The following PACSIN2 variants were observed in gnomAD, a reference collection of about 807,000 sequenced individuals.
The protein encoded by PACSIN2 is protein kinase C and casein kinase substrate in neurons 2.
A neutral mutation model predicts 63.8 loss-of-function variants in PACSIN2; 25 were observed. That is an observed-to-expected ratio of 0.39 (90% CI 0.29 to 0.55). PACSIN2 has a LOEUF of 0.55. Among genes scored for constraint, PACSIN2 ranks in the 20% least tolerant of loss-of-function variants. The pLI is 0.62. For missense variants in PACSIN2, 518 were observed against 646.9 expected (o/e 0.80, Z 2.16); for synonymous variants, 255 against 256.2 (o/e 1.00, Z 0.05).
chr22:42,885,609 C>T (rs2146655605), intron 5 of PACSIN2, among the ~76,000 whole-genome samples: 1 of 152,216 alleles, frequency 6.6e-6, no homozygotes, highest in East Asian at 1.9e-4. Context: ...GCTCCCCTCC[C>T]AGATGCTCTC....
intron 1 of PACSIN2, among the ~76,000 whole-genome samples, chr22:42,946,611 A>G (rs570541732): frequency 6.6e-6 from 1 of 152,358 alleles, no homozygotes; most frequent in African/African-American, 2.4e-5. Flanking sequence ...AAGAAGCCCC[A>G]GTTACACAAC....
At chr22:42,954,229 C>T (rs776748163) in intron 1 of PACSIN2, among the ~76,000 whole-genome samples, 2 of 152,216 alleles carry the variant, frequency 1.3e-5, no homozygotes, top group Non-Finnish European at 2.9e-5. Flanking sequence ...TGCCACTGCA[C>T]TCCAGCCTAG....
intron 1 of PACSIN2, among the ~76,000 whole-genome samples, chr22:42,931,962 T>C (rs555635687): frequency 1.3e-5 from 2 of 152,148 alleles, no homozygotes; most frequent in African/African-American, 2.4e-5. Context: ...AGAAAACCTA[T>C]CCTCACTTCC....
Position 42,966,098 on chromosome 22 carries a change from G to A in PACSIN2, c.-78+48923C>T, listed in dbSNP as rs554050806. 6.6e-5 allele frequency among the ~76,000 whole-genome samples: 10 copies of A among 152,300 alleles called. No individual in the cohort carries two copies. The South Asian group carries it at 1.5e-3, about 22-fold the overall frequency. ...TAAATAGAGCCATCTTGGGCTGGGC[G>A]CGGTGGCTCACGCCTGTAATCCCAG... is the stretch of plus-strand genomic sequence containing the variant. On this transcript the variant is annotated intron_variant, in intron 1 of 10. Coordinates refer to ENST00000263246, the MANE Select transcript of PACSIN2 (RefSeq NM_001184970.3).
At chr22:42,884,146 T>C (rs796856957) in intron 6 of PACSIN2, among the ~76,000 whole-genome samples, 20 of 152,200 alleles carry the variant, frequency 1.3e-4, no homozygotes, top group African/African-American at 4.6e-4. Context: ...GGGCCAGCAA[T>C]TGGCCGGGTC....
chr22:42,970,108 G>A (rs1224558009), intron 1 of PACSIN2, among the ~76,000 whole-genome samples: 1 of 152,102 alleles, frequency 6.6e-6, no homozygotes, highest in Non-Finnish European at 1.5e-5. Context: ...CCTCACGCTG[G>A]GAAGAGGCAC....
intron 1 of PACSIN2, among the ~76,000 whole-genome samples, chr22:42,934,239 A>G (rs558412824): frequency 6.6e-6 from 1 of 152,350 alleles, no homozygotes; most frequent in East Asian, 1.9e-4. Context: ...TAAATTCAAA[A>G]CATATAACCG....
At position 42,871,841 on chromosome 22, in the gene PACSIN2, C is replaced by T. The variant is rs1395058460; in HGVS notation, c.1349-372G>A. On this transcript the variant is annotated intron_variant, in intron 10 of 10. Transcript: ENST00000263246. The surrounding 1 kb of genome is among the most constrained non-coding windows in gnomAD (Gnocchi z 5.4). ...CTCCCTCACGTTGGGCCTCTTCTGT[C>T]CCCTCCCCAGGGCCCCGGCCGCCTT... 2.0e-5 allele frequency among the ~76,000 whole-genome samples: 3 copies of T among 150,386 alleles called. No homozygotes were observed. Among genetic ancestry groups the T allele is most frequent in the Non-Finnish European group, 4.5e-5 (3 of 66,794 alleles).
At chr22:42,915,903 C>T (rs569576453) in intron 1 of PACSIN2, among the ~76,000 whole-genome samples, 6 of 152,242 alleles carry the variant, frequency 3.9e-5, no homozygotes, top group Admixed American at 1.3e-4. Context: ...AGCCCTAAGG[C>T]GACACTGAGG....
At chr22:42,902,836 AC>A (rs1454516782) in intron 2 of PACSIN2, among the ~76,000 whole-genome samples, 1 of 151,766 alleles carries the variant, frequency 6.6e-6, no homozygotes, top group Non-Finnish European at 1.5e-5. Flanking sequence ...CTGGTCTTGA[AC>A]TCCTGACCTC....
intron 1 of PACSIN2, among the ~76,000 whole-genome samples, chr22:42,988,482 G>T (rs1451943337): frequency 6.6e-6 from 1 of 152,202 alleles, no homozygotes; most frequent in Non-Finnish European, 1.5e-5. Context: ...AATACATTAT[G>T]CAATGAACTG....
chr22:42,980,164 A>G (rs1375238087), intron 1 of PACSIN2, among the ~76,000 whole-genome samples: 3 of 152,202 alleles, frequency 2.0e-5, no homozygotes, highest in Non-Finnish European at 2.9e-5. Flanking sequence ...TGTAAAATCT[A>G]TAATTCCACA....
intron 10 of PACSIN2, among the ~76,000 whole-genome samples, chr22:42,872,786 C>T (rs1928264589): frequency 6.6e-6 from 1 of 152,272 alleles, no homozygotes; most frequent in African/African-American, 2.4e-5. Flanking sequence ...GGCTCAGCCT[C>T]CCACTGTCGT....
At chr22:42,913,463 G>A in intron 1 of PACSIN2, among the ~76,000 whole-genome samples, 1 of 123,706 alleles carries the variant, frequency 8.1e-6, no homozygotes, top group South Asian at 2.7e-4. Flanking sequence ...TGGGCAACAA[G>A]AGCGAAACTC....
At chr22:42,971,229 G>A (rs1471428138) in intron 1 of PACSIN2, among the ~76,000 whole-genome samples, 2 of 152,190 alleles carry the variant, frequency 1.3e-5, no homozygotes, top group Non-Finnish European at 1.5e-5. Flanking sequence ...GGGATTGCAG[G>A]CGCGCGCCGC....
intron 1 of PACSIN2, among the ~76,000 whole-genome samples, chr22:42,994,528 G>A (rs563153862): frequency 3.0e-4 from 45 of 152,342 alleles, no homozygotes; most frequent in African/African-American, 9.9e-4. Context: ...CTGGAGGCAC[G>A]TGCACACAGT....
chr22:42,989,230 G>C (rs939703942), intron 1 of PACSIN2, among the ~76,000 whole-genome samples: 1 of 152,152 alleles, frequency 6.6e-6, no homozygotes, highest in African/African-American at 2.4e-5. Flanking sequence ...GGGCGCAGTG[G>C]CTCACGCCTA....
intron 1 of PACSIN2, among the ~76,000 whole-genome samples, chr22:42,984,284 C>G (rs1379707085): frequency 1.3e-5 from 2 of 152,060 alleles, no homozygotes; most frequent in Non-Finnish European, 2.9e-5. Context: ...GCACTTAGCA[C>G]TTTTTAAATA....
intron 10 of PACSIN2, among the ~76,000 whole-genome samples, chr22:42,874,841 T>C (rs868067871): frequency 1.6e-4 from 24 of 149,922 alleles, no homozygotes; most frequent in Middle Eastern, 6.9e-3. Context: ...AGTCTTGGCA[T>C]TGGGCATCCG....
Sources: allele counts gnomAD v4.1 joint callset (sites outside exome capture counted in the v4.1 genomes callset), GRCh38; gene constraint gnomAD v4.1.1; non-coding constraint Gnocchi (gnomAD v3.1); transcripts MANE v1.5; gene names NCBI Gene and HGNC (gene_info 2026-07-23, HGNC 2026-07-21).